XDH: variants seen among roughly 807,000 people sequenced by gnomAD.
The protein encoded by XDH is xanthine dehydrogenase/oxidase.
XDH carries 138 observed loss-of-function variants against 156.1 expected under a neutral mutation model. The ratio of observed to expected loss-of-function variants is 0.88; its 90% CI spans 0.77 to 1.02. The LOEUF (loss-of-function observed/expected upper bound fraction) is 1.02. Ranked by LOEUF, XDH falls within the 50% of genes least tolerant of loss-of-function variation. The pLI is 0.00. For synonymous variants in XDH, 669 were observed against 625.7 expected, an observed-to-expected ratio of 1.07 and a Z score of -1.03; for missense variants, 1,849 against 1,684.9, an observed-to-expected ratio of 1.10 and a Z score of -1.71.
chr2:31,367,019 C>G (rs770735690), intron 20 of XDH, 25 bp from the exon 21 acceptor site: 2 of 1,614,066 alleles, frequency 1.2e-6, no homozygotes, highest in Non-Finnish European at 1.7e-6. Context: ...AGATCCCTCA[C>G]AGTGAGCCCA....
At chr2:31,402,972 C>T in intron 3 of XDH, 76 bp downstream of exon 3, 1 of 1,515,336 alleles carries the variant, frequency 6.6e-7, no homozygotes, top group Non-Finnish European at 9.2e-7. Flanking sequence ...TACACACATA[C>T]ACTCATGCAC....
chr2:31,408,423 C>T (rs1027326040), intron 1 of XDH, among the ~76,000 whole-genome samples: 2 of 152,136 alleles, frequency 1.3e-5, no homozygotes, highest in Non-Finnish European at 2.9e-5. Flanking sequence ...CAATGGGTAT[C>T]CCAAAGGAAA....
chr2:31,384,643 G>A (rs527711100), intron 9 of XDH, among the ~76,000 whole-genome samples: 8 of 152,280 alleles, frequency 5.3e-5, no homozygotes, highest in Admixed American at 1.3e-4. Flanking sequence ...AGATGGAAAA[G>A]GTTAAAAAAG....
In XDH at chr2:31,345,926, CA is replaced by C. The variant is rs45611242; in HGVS notation, c.3351+842del. ...TAAATCCATGCTAAAACCCAACTACCAAAATCAGGCTACTTTCATGTGCTAT... is the reference window on the plus strand; with the variant it reads ...TAAATCCATGCTAAAACCCAACTACCAAATCAGGCTACTTTCATGTGCTAT... On this transcript the variant is annotated intron_variant, in intron 30 of 35. Coordinates refer to ENST00000379416, the MANE Select transcript of XDH (RefSeq NM_000379.4). Among the ~76,000 whole-genome samples, 1,384 of 152,266 alleles carry C rather than the reference CA, an allele frequency of 9.1e-3. 30 individuals are homozygous for C. Among genetic ancestry groups the C allele is most frequent in the African/African-American group, 0.031 (1,293 of 41,538 alleles).
intron 1 of XDH, among the ~76,000 whole-genome samples, chr2:31,414,241 T>G (rs1285093971): frequency 6.6e-6 from 1 of 152,114 alleles, no homozygotes; most frequent in Admixed American, 6.5e-5. Context: ...GAGAGCAACG[T>G]AAATTTTAGG....
intron 15 of XDH, among the ~76,000 whole-genome samples, chr2:31,374,194 G>C (rs1244345654): frequency 6.6e-6 from 1 of 152,140 alleles, no homozygotes; most frequent in Admixed American, 6.6e-5. Context: ...TGAATGGTCT[G>C]TACTTTCTCC....
At chr2:31,402,863 A>G (rs138607320) in intron 3 of XDH, among the ~76,000 whole-genome samples, 185 bp downstream of exon 3, 3 of 152,330 alleles carry the variant, frequency 2.0e-5, no homozygotes, top group African/African-American at 7.2e-5. Flanking sequence ...CCTGGTCAAT[A>G]TTATAAGCCT....
At chr2:31,377,798 G>C (rs1686286027) in intron 13 of XDH, among the ~76,000 whole-genome samples, 1 of 150,592 alleles carries the variant, frequency 6.6e-6, no homozygotes, top group Admixed American at 6.6e-5. Flanking sequence ...GGTGGGAGGA[G>C]TACTTAAAAC....
In XDH at chr2:31,398,679, G is replaced by A. The variant is rs370058590; in HGVS notation, c.327C>T (p.His109=). 159 of 1,613,882 alleles carry A rather than the reference G, an allele frequency of 9.9e-5. No homozygotes were observed. The highest frequency in any genetic ancestry group is 2.0e-4 in the East Asian group (9 of 44,876). ...HPVQERIAKS[H]GSQCGFCTPG... The stretch of plus-strand genomic sequence containing the variant: ...GGGTGCAGAACCCGCACTGGGAGCC[G>A]TGGCTTTTGGCAATTCTCTCCTAAA... The change falls in exon 5 of 36, where the codon CAC becomes CAT. Residue 109 remains histidine, a synonymous_variant. Transcript: ENST00000379416.
At chr2:31,349,014 G>T in intron 26 of XDH, 34 bp from the exon 27 acceptor site, 1 of 1,582,492 alleles carries the variant, frequency 6.3e-7, no homozygotes, top group Non-Finnish European at 8.7e-7. Context: ...TAGAACCTTC[G>T]CTATCATATT....
At position 31,385,389 on chromosome 2, in the gene XDH, C is replaced by T. The variant is rs538021870; in HGVS notation, c.793+1025G>A. 1.2e-4 allele frequency among the ~76,000 whole-genome samples: 18 copies of T among 152,212 alleles called. No individual in the cohort carries two copies. In the East Asian group the frequency reaches 1.5e-3, roughly 13 times the overall value. ...GGGGACTCTATCTTATGTATATGTG[C>T]GCACGAGGGAGGCGTCCATTCTGAC... is the stretch of plus-strand genomic sequence containing the variant. On this transcript the variant is annotated intron_variant, in intron 9 of 35. Transcript: ENST00000379416.
In XDH at chr2:31,344,447, C is replaced by G. The variant is rs563080292; in HGVS notation, c.3404+237G>C. The stretch of plus-strand genomic sequence containing the variant: ...CTGGTGAAATTGTGCACCCTGAGAC[C>G]AGAACTAGAAGTCGGGTCTTCTGAC... On this transcript the variant is annotated intron_variant, in intron 31 of 35. Coordinates refer to ENST00000379416, the MANE Select transcript of XDH (RefSeq NM_000379.4). 2.0e-5 allele frequency among the ~76,000 whole-genome samples: 3 copies of G among 152,324 alleles called. No homozygotes were observed. In the South Asian group the frequency reaches 6.2e-4, roughly 32 times the overall value.
At chr2:31,405,202 G>C (rs1017884429) in intron 2 of XDH, among the ~76,000 whole-genome samples, 15 of 147,524 alleles carry the variant, frequency 1.0e-4, no homozygotes, top group African/African-American at 3.8e-4. Flanking sequence ...TGTGGAGATT[G>C]AGGTGAGCTG....
At chr2:31,409,679 G>A (rs1687289294) in intron 1 of XDH, among the ~76,000 whole-genome samples, 1 of 152,116 alleles carries the variant, frequency 6.6e-6, no homozygotes, top group South Asian at 2.1e-4. Flanking sequence ...ACTATAATGA[G>A]ATTTCACCTC....
At chr2:31,368,439 A>T in intron 19 of XDH, 102 bp downstream of exon 19, 1 of 1,483,186 alleles carries the variant, frequency 6.7e-7, no homozygotes, top group Non-Finnish European at 9.3e-7. Context: ...CATCTAGTCA[A>T]ATCCCTACCT....
rs918319984 is a variant in XDH at position 31,383,850 on chromosome 2, A to G, written c.794-3T>C. 6.2e-7 allele frequency: 1 copy of G among 1,613,562 alleles called. No individual in the cohort carries two copies. Among genetic ancestry groups the G allele is most frequent in the Non-Finnish European group, 8.5e-7 (1 of 1,179,832 alleles). On this transcript the variant is annotated splice_region_variant and splice_polypyrimidine_tract_variant and intron_variant, in intron 9 of 35. Transcript: ENST00000379416. ...ATTCTTGAACTTCATCTCAATGCCT[A>G]GAGAGAAACAAGAAGCTGAAGTTGT... is the stretch of plus-strand genomic sequence containing the variant.
At chr2:31,358,968 T>C (rs1685702967) in intron 24 of XDH, among the ~76,000 whole-genome samples, 1 of 151,980 alleles carries the variant, frequency 6.6e-6, no homozygotes, top group Admixed American at 6.6e-5. Flanking sequence ...AAAAAAACCA[T>C]CCCTATTTGC....
chr2:31,402,960 C>G (rs1687100853), intron 3 of XDH, 88 bp downstream of exon 3: 2 of 1,417,428 alleles, frequency 1.4e-6, no homozygotes, highest in African/African-American at 2.8e-5. Flanking sequence ...CGCACATGCA[C>G]ATACACACAT....
At chr2:31,339,444 C>A in intron 34 of XDH, 45 bp downstream of exon 34, 6 of 1,612,670 alleles carry the variant, frequency 3.7e-6, no homozygotes, top group Non-Finnish European at 5.1e-6. Flanking sequence ...GGGGCCTCCC[C>A]CAGGGCAGAT....
Sources: gnomAD v4.1 joint callset for allele counts (sites outside exome capture counted in the v4.1 genomes callset) on GRCh38, gnomAD v4.1.1 for gene constraint, MANE v1.5 for transcripts, NCBI Gene and HGNC (gene_info 2026-07-23, HGNC 2026-07-21) for gene names.